Variants in CCDC93 observed in about 807,000 individuals in gnomAD.
The protein encoded by CCDC93 is CCC complex scaffolding subunit CCDC93.
Under a neutral mutation model 108.2 loss-of-function variants are expected in CCDC93, and 61 were observed. The ratio of observed to expected loss-of-function variants is 0.56; its 90% CI spans 0.46 to 0.70. CCDC93 has a LOEUF of 0.70. Ranked by LOEUF, CCDC93 falls within the 30% of genes least tolerant of loss-of-function variation. CCDC93 has a pLI of 0.00. For synonymous variants in CCDC93, 276 were observed against 260.4 expected (o/e 1.06, Z -0.58); for missense variants, 685 against 764.2 (o/e 0.90, Z 1.22).
chr2:117,948,938 G>A (rs746605311), intron 14 of CCDC93, among the ~76,000 whole-genome samples: 8 of 152,234 alleles, frequency 5.3e-5, no homozygotes, highest in African/African-American at 1.2e-4. Flanking sequence ...GGAGGCACGA[G>A]CTGTTTAAAA....
chr2:117,995,625 A>C, intron 5 of CCDC93, 123 bp from the exon 6 acceptor site: 1 of 744,572 alleles, frequency 1.3e-6, no homozygotes, highest in Non-Finnish European at 2.3e-6. Flanking sequence ...ACGAAGTCTC[A>C]ATTTTCGAAC....
intron 23 of CCDC93, among the ~76,000 whole-genome samples, chr2:117,929,575 G>C (rs1212937545): frequency 6.6e-6 from 1 of 152,168 alleles, no homozygotes; most frequent in Non-Finnish European, 1.5e-5. Context: ...TCCTCAACTT[G>C]CTTTTTGTTT....
At chr2:117,920,474 C>A in intron 23 of CCDC93, 78 bp from the exon 24 acceptor site, 1 of 974,442 alleles carries the variant, frequency 1.0e-6, no homozygotes, top group Non-Finnish European at 1.6e-6. Context: ...TCTCAAAGCC[C>A]TTCCCATATC....
intron 21 of CCDC93, 176 bp from the exon 22 acceptor site, chr2:117,935,755 C>T (rs1248590452): frequency 2.6e-5 from 11 of 428,036 alleles, no homozygotes; most frequent in Middle Eastern, 5.8e-4. Flanking sequence ...GGATGCTAAA[C>T]CTCTGAGAAG....
At chr2:117,926,576 T>G (rs1472099219) in intron 23 of CCDC93, among the ~76,000 whole-genome samples, 2 of 152,188 alleles carry the variant, frequency 1.3e-5, no homozygotes, top group Non-Finnish European at 2.9e-5. Flanking sequence ...GAGGAAGAAG[T>G]TGAATTTCTG....
intron 23 of CCDC93, among the ~76,000 whole-genome samples, chr2:117,927,266 T>C (rs1678145679): frequency 6.6e-6 from 1 of 151,936 alleles, no homozygotes; most frequent in Non-Finnish European, 1.5e-5. Context: ...GAAGTTCTGG[T>C]CAGGGCAATC....
intron 6 of CCDC93, among the ~76,000 whole-genome samples, chr2:117,994,490 C>T (rs1311658065): frequency 6.6e-6 from 1 of 152,128 alleles, no homozygotes; most frequent in Non-Finnish European, 1.5e-5. Flanking sequence ...AGGAGATTTC[C>T]ATGTCTTTCA....
chr2:117,959,687 G>T (rs1454384944), intron 11 of CCDC93, among the ~76,000 whole-genome samples: 1 of 152,174 alleles, frequency 6.6e-6, no homozygotes, highest in Non-Finnish European at 1.5e-5. Context: ...GCATAAAATG[G>T]TAAGAAACAT....
Position 117,946,815 on chromosome 2 carries a change from T to C in CCDC93, c.1292A>G (p.Glu431Gly). 2 of 1,611,060 alleles carry C rather than the reference T, an allele frequency of 1.2e-6. No homozygotes were observed. The highest frequency in any genetic ancestry group is 2.2e-5 in the South Asian group (2 of 91,020). ...GGACTAATTCAGAGCCTTTACCTTT[T>C]CATCTCCACGTGGTGCTCTCTCAGC... Reference protein sequence around the residue: ...LKAERAPRGDEKTLSSGEPPG... With the variant: ...LKAERAPRGDGKTLSSGEPPG... The change falls in exon 16 of 24, where the codon GAA (glutamate) becomes GGA (glycine). Residue 431 changes from glutamate to glycine, a missense_variant. By Grantham distance (98) the Glu-to-Gly change is moderately conservative. Transcript: ENST00000376300.
chr2:117,974,807 G>A (rs1260160825), intron 10 of CCDC93, 43 bp downstream of exon 10: 2 of 1,465,376 alleles, frequency 1.4e-6, no homozygotes, highest in South Asian at 2.4e-5. Context: ...AGAGCAGGGT[G>A]GTGCCAAGTC....
intron 23 of CCDC93, among the ~76,000 whole-genome samples, chr2:117,922,121 T>C (rs918076160): frequency 6.6e-6 from 1 of 152,090 alleles, no homozygotes; most frequent in African/African-American, 2.4e-5. Context: ...ATAACAAAAA[T>C]ATGAAACAGT....
At chr2:117,986,157 T>TCA in intron 6 of CCDC93, 88 bp from the exon 7 acceptor site, 1 of 532,848 alleles carries the variant, frequency 1.9e-6, no homozygotes, top group Non-Finnish European at 3.2e-6. Flanking sequence ...TGGGGTATAT[T>TCA]CTCTTTTTTT....
At chr2:117,944,880 C>T (rs1307021025) in intron 17 of CCDC93, 6 of 460,968 alleles carry the variant, frequency 1.3e-5, no homozygotes, top group Non-Finnish European at 2.7e-5. Flanking sequence ...TCCTTTCCTC[C>T]ACTTCCTTTC....
At chr2:117,991,482 G>C in intron 6 of CCDC93, among the ~76,000 whole-genome samples, 1 of 152,234 alleles carries the variant, frequency 6.6e-6, no homozygotes, top group East Asian at 1.9e-4. Context: ...TGCTGTGTTA[G>C]AGTCAGGTGT....
At chr2:117,924,531 G>A (rs1160653825) in intron 23 of CCDC93, among the ~76,000 whole-genome samples, 1 of 152,204 alleles carries the variant, frequency 6.6e-6, no homozygotes, top group Admixed American at 6.5e-5. Flanking sequence ...GGGTATCAGT[G>A]ATGGAAGATC....
chr2:117,997,210 A>T (rs764842616), intron 4 of CCDC93: 2 of 152,202 alleles, frequency 1.3e-5, no homozygotes, highest in Non-Finnish European at 2.9e-5. Context: ...TATCATTAAA[A>T]CACCACCCTG....
chr2:117,922,483 G>A (rs1303139865), intron 23 of CCDC93, among the ~76,000 whole-genome samples: 1 of 152,114 alleles, frequency 6.6e-6, no homozygotes, highest in Non-Finnish European at 1.5e-5. Flanking sequence ...CAAAAATGTA[G>A]GGTTTGAATT....
chr2:117,925,218 G>A (rs1466098926), intron 23 of CCDC93, among the ~76,000 whole-genome samples: 8 of 152,168 alleles, frequency 5.3e-5, no homozygotes, highest in Non-Finnish European at 8.8e-5. Flanking sequence ...ATCAACTAAT[G>A]AGCAAAATAA....
chr2:117,960,838 A>T (rs1331403955), intron 11 of CCDC93, among the ~76,000 whole-genome samples: 3 of 152,214 alleles, frequency 2.0e-5, no homozygotes, highest in African/African-American at 7.2e-5. Context: ...ATGTTACATG[A>T]CATGTGATAT....
Sources: gnomAD v4.1 joint callset for allele counts (sites outside exome capture counted in the v4.1 genomes callset) on GRCh38, gnomAD v4.1.1 for gene constraint, MANE v1.5 for transcripts, NCBI Gene and HGNC (gene_info 2026-07-23, HGNC 2026-07-21) for gene names.